The following ZNF101 variants were observed in gnomAD, a reference collection of about 807,000 sequenced individuals.
ZNF101 encodes zinc finger protein 101.
ZNF101 carries 34 observed loss-of-function variants against 42.6 expected under a neutral mutation model. The observed-to-expected ratio is 0.80, with a 90% CI of 0.61 to 1.06. ZNF101 has a LOEUF of 1.06. ZNF101 is among the 50% of genes least tolerant of loss of function. ZNF101 has a pLI of 0.00. For missense variants in ZNF101, 466 were observed against 530.9 expected (o/e 0.88, Z 1.20); for synonymous variants, 158 against 183.9 (o/e 0.86, Z 1.14).
rs111787791 is a variant in ZNF101, at chr19:19,679,568, A to T, written c.579A>T (p.Gly193=). 6.2e-7 allele frequency: 1 copy of T among 1,614,068 alleles called. No individual in the cohort carries two copies. The highest frequency in any genetic ancestry group is 2.2e-5 in the East Asian group (1 of 44,902). Residue 193 remains glycine (G), a synonymous_variant, in exon 4 of 4, where the codon GGA becomes GGT. Coordinates refer to ENST00000592502, the MANE Select transcript of ZNF101 (RefSeq NM_033204.4). ...AAATCCATCAAAGAACTCACACTGG[A>T]AAGAGGTCCTATAAATGTAGGGAAA... The part of the protein sequence containing the change: ...LFQIHQRTHT[G]KRSYKCREIV...
rs575446126 is a variant in ZNF101, at chr19:19,682,222, CTT to C, written c.*1933_*1934del. 3 of 138,600 alleles carry C rather than the reference CTT, an allele frequency of 2.2e-5. No homozygotes were observed. Among genetic ancestry groups the C allele is most frequent in the East Asian group, 2.1e-4 (1 of 4,708 alleles). 8.6% of individuals were successfully genotyped at this position (138,600 alleles called of 1,614,324 possible). On this transcript the variant is annotated 3_prime_UTR_variant, in exon 4 of 4. Coordinates refer to ENST00000592502, the MANE Select transcript of ZNF101 (RefSeq NM_033204.4). ...ACAGGTGTGAGCCACCGCGCCTGGC[CTT>C]TTTTTTTTTTCCCGAGACACAGTCT...
rs1325074546 is a variant in ZNF101, at chr19:19,681,601, T to A, written c.*1301T>A. ...CCCATGTATACAAAAAATAGAAAAG[T>A]TAGCCAGGGATGATGGTGTTCGCCT... On this transcript the variant is annotated 3_prime_UTR_variant, in exon 4 of 4. Coordinates refer to ENST00000592502, the MANE Select transcript of ZNF101 (RefSeq NM_033204.4). 6.6e-6 allele frequency: 1 copy of A among 151,884 alleles called. No homozygotes were observed. The highest frequency in any genetic ancestry group is 1.5e-5 in the Non-Finnish European group (1 of 67,982). The allele number at this position is 151,884 out of a possible 1,614,324, so 9.4% of individuals were successfully genotyped here. A position where few individuals can be genotyped will look rare whatever the true frequency, so the allele number is the denominator to read the frequency against.
rs780358748 is a variant in ZNF101 at position 19,678,806 on chromosome 19, G to C, written c.191+20G>C. 1.9e-6 allele frequency: 3 copies of C among 1,593,992 alleles called. No homozygotes were observed. The highest frequency in any genetic ancestry group is 1.1e-5 in the South Asian group (1 of 87,212). On this transcript the variant is annotated intron_variant, in intron 3 of 3. Coordinates refer to ENST00000592502, the MANE Select transcript of ZNF101 (RefSeq NM_033204.4). ...GCTAAGGTAATCTCCACTCACAAGA[G>C]GAAGCAGTGTCTCTTGAGGGAATCT...
intron 1 of ZNF101, among the ~76,000 whole-genome samples, chr19:19,670,989 C>T (rs988812135): frequency 1.3e-5 from 2 of 152,120 alleles, no homozygotes; most frequent in African/African-American, 4.8e-5. Flanking sequence ...GCCTGTAGTC[C>T]CAGATATTCT....
chr19:19,668,989 C>G, intron 1 of ZNF101, 23 bp downstream of exon 1: 2 of 1,581,398 alleles, frequency 1.3e-6, no homozygotes, highest in Non-Finnish European at 1.7e-6. Flanking sequence ...AGCCGGGCGT[C>G]CGGAGACCTG....
rs988639561 is a variant in ZNF101, at chr19:19,682,098, T to C, written c.*1798T>C. On this transcript the variant is annotated 3_prime_UTR_variant, in exon 4 of 4. Transcript: ENST00000592502. ...CCACCACGCCTGGCTAATTTTTTTG[T>C]ATTTTTAGTAGAGACGGGGCTTCAC... The C allele has an allele frequency of 6.6e-6, 1 of 151,998 alleles. No individual in the cohort carries two copies. The highest frequency in any genetic ancestry group is 2.4e-5 in the African/African-American group (1 of 41,374). The allele number at this position is 151,998 out of a possible 1,614,324, so 9.4% of individuals were successfully genotyped here.
Position 19,679,733 on chromosome 19 carries a change from T to A in ZNF101, c.744T>A (p.Thr248=). The A allele has an allele frequency of 6.2e-7, 1 of 1,614,160 alleles. No homozygotes were observed. Among genetic ancestry groups the A allele is most frequent in the Non-Finnish European group, 8.5e-7 (1 of 1,180,002 alleles). The part of the protein sequence containing the change: ...SLFQIHVRTH[T]GEKPYKCKQC... ...TTCAAATTCATGTTAGAACTCACAC[T>A]GGAGAAAAACCTTACAAATGTAAAC... Residue 248 remains threonine (T), a synonymous_variant, in exon 4 of 4, where the codon ACT becomes ACA. Coordinates refer to ENST00000592502, the MANE Select transcript of ZNF101 (RefSeq NM_033204.4).
chr19:19,668,535 C>T (rs1001554017), upstream of ZNF101, among the ~76,000 whole-genome samples: 8 of 151,980 alleles, frequency 5.3e-5, no homozygotes, highest in Non-Finnish European at 7.4e-5. Context: ...TATTGTAAGA[C>T]TGATGGGGGA....
In ZNF101 at chr19:19,668,933, A is replaced by G; in HGVS notation, c.-31A>G. ...GACCTGTTCTGGCTGCTCCAGCCCC[A>G]GGAAGGACCCAGGACACCCGGAAGC... On this transcript the variant is annotated 5_prime_UTR_variant, in exon 1 of 4. Coordinates refer to ENST00000592502, the MANE Select transcript of ZNF101 (RefSeq NM_033204.4). The G allele has an allele frequency of 6.3e-7, 1 of 1,581,868 alleles. No individual in the cohort carries two copies. The highest frequency in any genetic ancestry group is 8.6e-7 in the Non-Finnish European group (1 of 1,164,422).
At chr19:19,671,156 T>C (rs1292661569) in intron 1 of ZNF101, among the ~76,000 whole-genome samples, 1 of 152,130 alleles carries the variant, frequency 6.6e-6, no homozygotes, top group African/African-American at 2.4e-5. Flanking sequence ...AAATTAGTGA[T>C]TTACAAAGAT....
rs1332379667 is a variant in ZNF101, at chr19:19,680,454, T to C, written c.*154T>C. The stretch of plus-strand genomic sequence containing the variant: ...CAACATGGTGAAACCCCGTCTCTAC[T>C]AAAAATACAAAAAAATTAACTGGGC... On this transcript the variant is annotated 3_prime_UTR_variant, in exon 4 of 4. Coordinates refer to ENST00000592502, the MANE Select transcript of ZNF101 (RefSeq NM_033204.4). 1.2e-5 allele frequency: 5 copies of C among 411,842 alleles called. No homozygotes were observed. The highest frequency in any genetic ancestry group is 2.1e-5 in the Non-Finnish European group (5 of 235,080). The allele number at this position is 411,842 out of a possible 1,614,324, so 25.5% of individuals were successfully genotyped here. A position where few individuals can be genotyped will look rare whatever the true frequency, so the allele number is the denominator to read the frequency against.
At chr19:19,675,100 A>G (rs924493673) in intron 1 of ZNF101, among the ~76,000 whole-genome samples, 2 of 151,876 alleles carry the variant, frequency 1.3e-5, no homozygotes, top group African/African-American at 2.4e-5. Context: ...GGTTACAGGC[A>G]TGAGCCACCG....
intron 2 of ZNF101, 60 bp from the exon 3 acceptor site, chr19:19,678,666 C>T: frequency 2.1e-6 from 3 of 1,432,414 alleles, no homozygotes; most frequent in African/African-American, 1.5e-5. Flanking sequence ...AACTTAGAAC[C>T]TAGTGATTTT....
intron 1 of ZNF101, among the ~76,000 whole-genome samples, chr19:19,669,835 T>G (rs1234137961): frequency 2.6e-5 from 4 of 152,130 alleles, no homozygotes; most frequent in African/African-American, 9.7e-5. Flanking sequence ...ATGGCACTTC[T>G]TAAAAAGTTC....
chr19:19,673,533 C>A (rs565592342), intron 1 of ZNF101, among the ~76,000 whole-genome samples: 1 of 151,880 alleles, frequency 6.6e-6, no homozygotes, highest in Non-Finnish European at 1.5e-5. Context: ...CAGGCATGAG[C>A]CACCGCACCT....
intron 1 of ZNF101, among the ~76,000 whole-genome samples, chr19:19,673,905 T>G (rs1388288536): frequency 1.3e-5 from 2 of 151,656 alleles, no homozygotes; most frequent in Non-Finnish European, 2.9e-5. Flanking sequence ...GCGATTCTCC[T>G]GCCTCAGCCT....
At chr19:19,677,535 G>A in intron 1 of ZNF101, 1 of 213,314 alleles carries the variant, frequency 4.7e-6, no homozygotes, top group Non-Finnish European at 9.4e-6. Context: ...AATGAGCGCT[G>A]TCTGCACACC....
chr19:19,670,586 A>C (rs1039578788), intron 1 of ZNF101, among the ~76,000 whole-genome samples: 4 of 151,800 alleles, frequency 2.6e-5, no homozygotes, highest in Non-Finnish European at 4.4e-5. Context: ...GCGAGACCCC[A>C]TTTCTACAAC....
At chr19:19,672,626 A>C (rs1437765367) in intron 1 of ZNF101, among the ~76,000 whole-genome samples, 1 of 151,946 alleles carries the variant, frequency 6.6e-6, no homozygotes, top group Admixed American at 6.6e-5. Context: ...CCCAGGTTCA[A>C]ACGATTTTCC....
Sources: allele counts gnomAD v4.1 joint callset (sites outside exome capture counted in the v4.1 genomes callset), GRCh38; gene constraint gnomAD v4.1.1; transcripts MANE v1.5; gene names NCBI Gene and HGNC (gene_info 2026-07-23, HGNC 2026-07-21).